Variants in NRXN3 observed in about 807,000 individuals in gnomAD.
NRXN3 encodes neurexin 3.
Under a neutral mutation model 137.6 loss-of-function variants are expected in NRXN3, and 32 were observed. The ratio of observed to expected loss-of-function variants is 0.23; its 90% CI spans 0.18 to 0.31. The LOEUF (loss-of-function observed/expected upper bound fraction) is 0.31, where lower values mean the gene tolerates loss of function less well. NRXN3 is among the 10% of genes least tolerant of loss of function. NRXN3 has a pLI of 1.00. For missense variants in NRXN3, 1,574 were observed against 2,062.5 expected (o/e 0.76, Z 4.59); for synonymous variants, 798 against 784.5 (o/e 1.02, Z -0.29).
chr14:78,276,041 G>A (rs1029786441), intron 2 of NRXN3, among the ~76,000 whole-genome samples: 6 of 152,156 alleles, frequency 3.9e-5, no homozygotes, highest in African/African-American at 9.7e-5. Context: ...CCTAAAGTTG[G>A]AATAATGCTC....
intron 6 of NRXN3, among the ~76,000 whole-genome samples, chr14:78,704,104 T>A (rs74067508): frequency 0.022 from 3,289 of 152,238 alleles, 121 homozygotes; most frequent in African/African-American, 0.075. Flanking sequence ...AGAAAATACT[T>A]CTCTGAGTGG....
chr14:79,592,128 T>C (rs778347391), intron 16 of NRXN3, among the ~76,000 whole-genome samples: 2 of 152,192 alleles, frequency 1.3e-5, no homozygotes, highest in Non-Finnish European at 2.9e-5. Context: ...TCTATCACCA[T>C]AGTTTACTTT....
At chr14:78,316,209 G>A (rs1261274746) in intron 4 of NRXN3, among the ~76,000 whole-genome samples, 1 of 152,150 alleles carries the variant, frequency 6.6e-6, no homozygotes, top group Non-Finnish European at 1.5e-5. Flanking sequence ...AGAGCTGAGA[G>A]AAATGCACTG....
At chr14:78,255,169 GAAAAA>G (rs35233538) in intron 2 of NRXN3, among the ~76,000 whole-genome samples, 3 of 86,104 alleles carry the variant, frequency 3.5e-5, no homozygotes, top group African/African-American at 9.6e-5. Context: ...CACAGCAGCA[GAAAAA>G]AAAAAAAAAA....
intron 15 of NRXN3, among the ~76,000 whole-genome samples, chr14:79,387,380 A>G (rs545650365): frequency 7.9e-4 from 121 of 152,318 alleles, no homozygotes; most frequent in African/African-American, 2.7e-3. Context: ...CATCAGAGAA[A>G]TGCAAATCAA....
intron 16 of NRXN3, among the ~76,000 whole-genome samples, chr14:79,495,540 G>A (rs1200754709): frequency 6.6e-6 from 1 of 151,996 alleles, no homozygotes; most frequent in Non-Finnish European, 1.5e-5. Flanking sequence ...GTAAATTCAG[G>A]GGCAAATTAT....
intron 4 of NRXN3, among the ~76,000 whole-genome samples, chr14:78,482,132 ATG>A (rs2095483055): frequency 6.6e-6 from 1 of 152,156 alleles, no homozygotes; most frequent in Non-Finnish European, 1.5e-5. Context: ...AAAACTTTGG[ATG>A]TATTTATATC....
intron 17 of NRXN3, among the ~76,000 whole-genome samples, chr14:79,679,534 T>G (rs1445682503): frequency 6.6e-6 from 1 of 152,170 alleles, no homozygotes; most frequent in Non-Finnish European, 1.5e-5. Context: ...TGCCATCTTT[T>G]GAGGTGGCCA....
intron 10 of NRXN3, among the ~76,000 whole-genome samples, chr14:78,904,334 A>C (rs1380390554): frequency 6.6e-6 from 1 of 152,046 alleles, no homozygotes; most frequent in South Asian, 2.1e-4. Context: ...AGAGTACACA[A>C]GACAGTCACC....
In NRXN3 at chr14:79,606,706, G is replaced by A. The variant is rs117856582; in HGVS notation, c.3445-57072G>A. On this transcript the variant is annotated intron_variant, in intron 16 of 20. Coordinates refer to ENST00000335750, the MANE Select transcript of NRXN3 (RefSeq NM_001330195.2). ...CAGGTACTTATTGAGCATCTATTAC[G>A]TGCCATAGAATATTCTGATTATTAA... is the stretch of plus-strand genomic sequence containing the variant. 6.7e-3 allele frequency among the ~76,000 whole-genome samples: 1,014 copies of A among 152,234 alleles called. 14 individuals carry two copies. The highest frequency in any genetic ancestry group is 0.044 in the Middle Eastern group (13 of 294).
At chr14:78,451,757 A>G (rs2094557114) in intron 4 of NRXN3, among the ~76,000 whole-genome samples, 1 of 152,228 alleles carries the variant, frequency 6.6e-6, no homozygotes, top group African/African-American at 2.4e-5. Flanking sequence ...AGATGGCAGC[A>G]TTTTATGCAG....
At chr14:78,462,083 C>T (rs1274386830) in intron 4 of NRXN3, among the ~76,000 whole-genome samples, 1 of 152,096 alleles carries the variant, frequency 6.6e-6, no homozygotes, top group Non-Finnish European at 1.5e-5. Flanking sequence ...TGAGGTGAAG[C>T]CCCAAGCACA....
chr14:79,049,070 A>T (rs1423137654), intron 15 of NRXN3, among the ~76,000 whole-genome samples: 7 of 55,888 alleles, frequency 1.3e-4, no homozygotes, highest in Non-Finnish European at 1.9e-4. Context: ...AAAAAAAAAA[A>T]AAAATAATAA....
chr14:79,856,891 G>T (rs964213630), intron 20 of NRXN3, among the ~76,000 whole-genome samples: 2 of 152,042 alleles, frequency 1.3e-5, no homozygotes, highest in Non-Finnish European at 2.9e-5. Flanking sequence ...TGCCAAAAAG[G>T]GGTATGTATG....
At chr14:79,124,879 TG>T (rs2056124068) in intron 15 of NRXN3, among the ~76,000 whole-genome samples, 1 of 149,732 alleles carries the variant, frequency 6.7e-6, no homozygotes, top group South Asian at 2.1e-4. Flanking sequence ...ATAAAATAGC[TG>T]TTTTTTTTTC....
rs188004306 is a variant in NRXN3 at position 78,531,355 on chromosome 14, A to G, written c.758-113765A>G. Among the ~76,000 whole-genome samples the G allele has an allele frequency of 6.2e-4, 94 of 152,242 alleles. 2 individuals are homozygous for G. Among genetic ancestry groups the G allele is most frequent in the African/African-American group, 2.2e-3 (91 of 41,538 alleles). ...TCAATCTTCTCAGTGTCTAATTGCT[A>G]TGATCAGAAATTCAGAGTTATCCCA... On this transcript the variant is annotated intron_variant, in intron 4 of 20. Coordinates refer to ENST00000335750, the MANE Select transcript of NRXN3 (RefSeq NM_001330195.2).
At chr14:78,969,721 T>C (rs1380243323) in intron 14 of NRXN3, among the ~76,000 whole-genome samples, 1 of 152,164 alleles carries the variant, frequency 6.6e-6, no homozygotes, top group African/African-American at 2.4e-5. Flanking sequence ...GCACTAGTAA[T>C]AGGAATGTTC....
At chr14:79,010,669 T>A (rs2099569449) in intron 15 of NRXN3, among the ~76,000 whole-genome samples, 1 of 152,250 alleles carries the variant, frequency 6.6e-6, no homozygotes, top group Admixed American at 6.5e-5. Flanking sequence ...TTTCTAATTT[T>A]AGCTACAATG....
chr14:79,601,948 G>T lies in NRXN3; in HGVS notation c.3445-61830G>T, dbSNP rs1238128986. On this transcript the variant is annotated intron_variant, in intron 16 of 20. Coordinates refer to ENST00000335750, the MANE Select transcript of NRXN3 (RefSeq NM_001330195.2). ...GCTGCTGCCAGTCATCACAGCACAG[G>T]AGCAATGGACCAATATTATGAATTT... 2.0e-5 allele frequency among the ~76,000 whole-genome samples: 3 copies of T among 150,290 alleles called. No homozygotes were observed. In the East Asian group the frequency reaches 5.8e-4, roughly 29 times the overall value.
Sources: gnomAD v4.1 joint callset for allele counts (sites outside exome capture counted in the v4.1 genomes callset) on GRCh38, gnomAD v4.1.1 for gene constraint, MANE v1.5 for transcripts, NCBI Gene and HGNC (gene_info 2026-07-23, HGNC 2026-07-21) for gene names.